Variants in GBE1 observed in about 807,000 individuals in gnomAD.
GBE1 encodes 1,4-alpha-glucan branching enzyme 1, also known as 1,4-alpha-glucan-branching enzyme.
A neutral mutation model predicts 88.8 loss-of-function variants in GBE1; 70 were observed. That is an observed-to-expected ratio of 0.79 (90% CI 0.65 to 0.96). The LOEUF (loss-of-function observed/expected upper bound fraction) is 0.96. GBE1 is among the 40% of genes least tolerant of loss of function. The pLI, the probability that GBE1 is intolerant of heterozygous loss-of-function variation, is 0.00. For synonymous variants in GBE1, 284 were observed against 300.1 expected (o/e 0.95, Z 0.56); for missense variants, 872 against 871.0 (o/e 1.00, Z -0.01).
chr3:81,628,834 C>T (rs1195919728), intron 7 of GBE1, among the ~76,000 whole-genome samples: 1 of 132,688 alleles, frequency 7.5e-6, no homozygotes, highest in African/African-American at 2.8e-5. Flanking sequence ...CCCAGGATAA[C>T]TAAATTTTAT....
At chr3:81,499,757 A>G (rs12638726) in intron 14 of GBE1, among the ~76,000 whole-genome samples, 45,777 of 152,102 alleles carry the variant, frequency 0.3, 7,148 homozygotes, top group East Asian at 0.43. Flanking sequence ...TTCAAAAAAG[A>G]AATGCATCAT....
intron 1 of GBE1, among the ~76,000 whole-genome samples, chr3:81,732,324 C>G (rs908469363): frequency 6.6e-6 from 1 of 152,042 alleles, no homozygotes; most frequent in South Asian, 2.1e-4. Context: ...AGTCCACATC[C>G]GACTAAAATC....
At chr3:81,650,499 A>G (rs1404986535) in intron 3 of GBE1, among the ~76,000 whole-genome samples, 1 of 152,172 alleles carries the variant, frequency 6.6e-6, no homozygotes, top group Non-Finnish European at 1.5e-5. Context: ...ATCTCCTTTA[A>G]TCATCCGTTC....
rs28763906 is a variant in GBE1, at chr3:81,761,494, C to T, written c.24G>A (p.Ala8=). 5.3e-4 allele frequency: 852 copies of T among 1,607,914 alleles called. 7 individuals carry two copies. In the African/African-American group the frequency reaches 7.2e-3, roughly 14 times the overall value. ...CCGCCTCGTAGTCCTCGGGCCGAGCCGCGGGAGTCATCGGAGCCGCCATAT... is the reference window on the plus strand; with the variant it reads ...CCGCCTCGTAGTCCTCGGGCCGAGCTGCGGGAGTCATCGGAGCCGCCATAT... The part of the protein sequence containing the change: MAAPMTP[A]ARPEDYEAAL... Residue 8 remains alanine, a synonymous_variant, in exon 1 of 16, where the codon GCG becomes GCA. Coordinates refer to ENST00000429644, the MANE Select transcript of GBE1 (RefSeq NM_000158.4).
At chr3:81,532,146 C>T (rs888115078) in intron 14 of GBE1, among the ~76,000 whole-genome samples, 1 of 151,890 alleles carries the variant, frequency 6.6e-6, no homozygotes, top group African/African-American at 2.4e-5. Flanking sequence ...TTACCCTCTT[C>T]TGTGCCTCTT....
intron 7 of GBE1, among the ~76,000 whole-genome samples, chr3:81,626,735 A>AC (rs1458555966): frequency 2.2e-5 from 2 of 90,040 alleles, no homozygotes; most frequent in Non-Finnish European, 4.1e-5. Flanking sequence ...GTTCAGACTC[A>AC]TTAAAAAAAA....
intron 1 of GBE1, among the ~76,000 whole-genome samples, chr3:81,757,431 G>C (rs969024528): frequency 6.6e-6 from 1 of 152,212 alleles, no homozygotes; most frequent in Non-Finnish European, 1.5e-5. Flanking sequence ...GAATGAAGAG[G>C]AGTGGAGAAG....
intron 7 of GBE1, among the ~76,000 whole-genome samples, chr3:81,601,798 C>A (rs1174321320): frequency 6.6e-6 from 1 of 152,000 alleles, no homozygotes; most frequent in Middle Eastern, 3.2e-3. Flanking sequence ...TAAATAATCC[C>A]TTTTTTAAAT....
chr3:81,734,044 A>T (rs1706222578), intron 1 of GBE1, among the ~76,000 whole-genome samples: 1 of 152,210 alleles, frequency 6.6e-6, no homozygotes, highest in Non-Finnish European at 1.5e-5. Context: ...CATTAGGTAT[A>T]ATCAATCATA....
chr3:81,603,112 C>T (rs1209618256), intron 7 of GBE1, among the ~76,000 whole-genome samples: 2 of 152,092 alleles, frequency 1.3e-5, no homozygotes, highest in Non-Finnish European at 2.9e-5. Flanking sequence ...ACCTCTTCTC[C>T]TCTCTCCCTT....
At chr3:81,690,732 C>G (rs968118308) in intron 2 of GBE1, among the ~76,000 whole-genome samples, 8 of 152,046 alleles carry the variant, frequency 5.3e-5, no homozygotes, top group African/African-American at 1.9e-4. Context: ...AAGGGTTAAA[C>G]CATTTATGAC....
intron 7 of GBE1, among the ~76,000 whole-genome samples, chr3:81,606,678 T>G (rs1704106269): frequency 6.6e-6 from 1 of 152,238 alleles, no homozygotes; most frequent in South Asian, 2.1e-4. Flanking sequence ...TCTCTTCCCT[T>G]GAGTCAGACC....
At position 81,578,115 on chromosome 3, in the gene GBE1, T is replaced by C. The variant is rs1202699105; in HGVS notation, c.1447-19A>G. The C allele has an allele frequency of 1.9e-6, 3 of 1,544,634 alleles. No homozygotes were observed. Among genetic ancestry groups the C allele is most frequent in the East Asian group, 2.4e-5 (1 of 42,258 alleles). On this transcript the variant is annotated intron_variant, in intron 11 of 15. Transcript: ENST00000429644. ...CCAATGCCTACAGAAATAAAAGTAA[T>C]GGAGATAAATGAAAAAAAAAAGTGC...
chr3:81,641,532 A>G (rs75062507), intron 7 of GBE1, among the ~76,000 whole-genome samples: 6,477 of 152,136 alleles, frequency 0.043, 457 homozygotes, highest in East Asian at 0.35. Flanking sequence ...ATTAGTCCCC[A>G]AACTCTGCCT....
chr3:81,635,458 T>C (rs961259649), intron 7 of GBE1, among the ~76,000 whole-genome samples: 1 of 152,198 alleles, frequency 6.6e-6, no homozygotes. Flanking sequence ...ACCTATATTT[T>C]CTGAAAGTAA....
At chr3:81,678,981 C>T (rs13322916) in intron 2 of GBE1, among the ~76,000 whole-genome samples, 18,975 of 151,928 alleles carry the variant, frequency 0.12, 1,339 homozygotes, top group Non-Finnish European at 0.17. Context: ...GTATTAATGA[C>T]GAAATTGTAC....
At chr3:81,496,170 A>G (rs1702498236) in intron 15 of GBE1, among the ~76,000 whole-genome samples, 1 of 152,228 alleles carries the variant, frequency 6.6e-6, no homozygotes, top group Non-Finnish European at 1.5e-5. Flanking sequence ...GGAGTTTCCA[A>G]TAACTGCCAG....
At chr3:81,552,878 T>C (rs1258446484) in intron 12 of GBE1, among the ~76,000 whole-genome samples, 1 of 152,154 alleles carries the variant, frequency 6.6e-6, no homozygotes, top group South Asian at 2.1e-4. Flanking sequence ...AACAGTTACT[T>C]TAAAAAATAA....
chr3:81,688,350 A>G (rs1705469617), intron 2 of GBE1, among the ~76,000 whole-genome samples: 1 of 152,224 alleles, frequency 6.6e-6, no homozygotes. Context: ...GAAGGTAGGG[A>G]TCAAGTTTTA....
Sources: gnomAD v4.1 joint callset for allele counts (sites outside exome capture counted in the v4.1 genomes callset) on GRCh38, gnomAD v4.1.1 for gene constraint, MANE v1.5 for transcripts, NCBI Gene and HGNC (gene_info 2026-07-23, HGNC 2026-07-21) for gene names.